EFNA5: variants seen among roughly 807,000 people sequenced by gnomAD.
The protein encoded by EFNA5 is ephrin-A5.
EFNA5 carries 5 observed loss-of-function variants against 22.9 expected under a neutral mutation model. That is an observed-to-expected ratio of 0.22 (90% CI 0.11 to 0.46). EFNA5 has a LOEUF of 0.46. Ranked by LOEUF, EFNA5 falls within the 20% of genes least tolerant of loss-of-function variation. The pLI is 0.99. For synonymous variants in EFNA5, 113 were observed against 112.2 expected, an observed-to-expected ratio of 1.01 and a Z score of -0.04; for missense variants, 237 against 293.3, an observed-to-expected ratio of 0.81 and a Z score of 1.40.
chr5:107,669,203 A>C (rs750091218), intron 1 of EFNA5, among the ~76,000 whole-genome samples: 1 of 150,922 alleles, frequency 6.6e-6, no homozygotes, highest in Non-Finnish European at 1.5e-5. Context: ...CAGGAGATAG[A>C]AAAAACTGGA....
At chr5:107,527,162 T>A (rs1747711660) in intron 1 of EFNA5, among the ~76,000 whole-genome samples, 1 of 152,244 alleles carries the variant, frequency 6.6e-6, no homozygotes. Flanking sequence ...AAACATCCCA[T>A]GTTCTTGTTT....
Position 107,609,812 on chromosome 5 carries a change from C to T in EFNA5, c.125+60677G>A, listed in dbSNP as rs545238763. Reference sequence around the variant, plus strand: ...CAGCCACCGTGCCCCTGCCCGCCGCCGACTAGAATAAGATGACTGAATGGT... The same window carrying T: ...CAGCCACCGTGCCCCTGCCCGCCGCTGACTAGAATAAGATGACTGAATGGT... On this transcript the variant is annotated intron_variant, in intron 1 of 4. Transcript: ENST00000333274. Among the ~76,000 whole-genome samples, 59 of 152,178 alleles carry T rather than the reference C, an allele frequency of 3.9e-4. No homozygotes were observed. The East Asian group carries it at 0.011, about 28-fold the overall frequency.
chr5:107,661,944 C>T (rs1750972011), intron 1 of EFNA5, among the ~76,000 whole-genome samples: 1 of 152,006 alleles, frequency 6.6e-6, no homozygotes, highest in Non-Finnish European at 1.5e-5. Context: ...CTTTCATTTA[C>T]TTTTATAATT....
intron 1 of EFNA5, among the ~76,000 whole-genome samples, chr5:107,538,677 T>C (rs1332161890): frequency 6.6e-6 from 1 of 152,202 alleles, no homozygotes; most frequent in Non-Finnish European, 1.5e-5. Context: ...GTGTAAGCCA[T>C]TGGAGATACA....
At chr5:107,621,668 C>A (rs1168906719) in intron 1 of EFNA5, among the ~76,000 whole-genome samples, 2 of 152,018 alleles carry the variant, frequency 1.3e-5, no homozygotes, top group Admixed American at 6.6e-5. Flanking sequence ...AGGACTAATA[C>A]CTAATTCACA....
intron 1 of EFNA5, among the ~76,000 whole-genome samples, chr5:107,598,193 T>A (rs60259356): frequency 0.012 from 1,853 of 152,158 alleles, 36 homozygotes; most frequent in African/African-American, 0.043. Context: ...ACTACCCCTC[T>A]CTCAGTAACA....
At chr5:107,549,882 G>A (rs1748248708) in intron 1 of EFNA5, among the ~76,000 whole-genome samples, 1 of 152,226 alleles carries the variant, frequency 6.6e-6, no homozygotes, top group Non-Finnish European at 1.5e-5. Flanking sequence ...GGGGTTGCCT[G>A]ACCCATGCAG....
At chr5:107,549,714 G>T (rs1473972891) in intron 1 of EFNA5, among the ~76,000 whole-genome samples, 1 of 152,234 alleles carries the variant, frequency 6.6e-6, no homozygotes, top group Non-Finnish European at 1.5e-5. Context: ...TCTGATGTAG[G>T]ATGCCTCTGC....
chr5:107,526,046 G>T (rs1295750173), intron 1 of EFNA5, among the ~76,000 whole-genome samples: 2 of 152,100 alleles, frequency 1.3e-5, no homozygotes, highest in East Asian at 3.8e-4. Context: ...GCCCGCAAAG[G>T]TCAATCAAAA....
chr5:107,622,256 G>C (rs1466174204), intron 1 of EFNA5, among the ~76,000 whole-genome samples: 3 of 152,130 alleles, frequency 2.0e-5, no homozygotes, highest in Non-Finnish European at 4.4e-5. Flanking sequence ...TACATCCTAA[G>C]GAATGGCACA....
At chr5:107,400,765 G>C (rs1371362506) in intron 2 of EFNA5, among the ~76,000 whole-genome samples, 2 of 152,322 alleles carry the variant, frequency 1.3e-5, no homozygotes, top group East Asian at 3.9e-4. Flanking sequence ...CCAGAAACTT[G>C]AGATCTTCAC....
At chr5:107,649,918 C>T (rs1185180745) in intron 1 of EFNA5, among the ~76,000 whole-genome samples, 1 of 152,080 alleles carries the variant, frequency 6.6e-6, no homozygotes, top group Non-Finnish European at 1.5e-5. Context: ...TTGTCTAGGA[C>T]CACAGCAAGT....
intron 1 of EFNA5, among the ~76,000 whole-genome samples, chr5:107,619,753 C>G (rs531515696): frequency 6.6e-6 from 1 of 152,068 alleles, no homozygotes; most frequent in East Asian, 1.9e-4. Context: ...TGAGCCACCA[C>G]GCCTAGCCTA....
chr5:107,524,028 C>T (rs1747647610), intron 1 of EFNA5, among the ~76,000 whole-genome samples: 1 of 152,306 alleles, frequency 6.6e-6, no homozygotes, highest in Middle Eastern at 3.4e-3. Flanking sequence ...CTTTTTAATG[C>T]CAGTTGTTTA....
intron 1 of EFNA5, among the ~76,000 whole-genome samples, chr5:107,535,625 C>A (rs1229742801): frequency 2.6e-5 from 4 of 152,038 alleles, no homozygotes; most frequent in South Asian, 4.2e-4. Flanking sequence ...GAATATAGAG[C>A]CCTCTAACTG....
chr5:107,416,331 G>A (rs889562548), intron 2 of EFNA5, among the ~76,000 whole-genome samples: 1 of 152,060 alleles, frequency 6.6e-6, no homozygotes, highest in Non-Finnish European at 1.5e-5. Context: ...TACTTTTAAC[G>A]TCTTTTAAAA....
chr5:107,593,674 C>T (rs1035700621), intron 1 of EFNA5, among the ~76,000 whole-genome samples: 3 of 151,936 alleles, frequency 2.0e-5, no homozygotes, highest in African/African-American at 4.8e-5. Context: ...AAACATGCAG[C>T]CAGCATTGAA....
chr5:107,601,439 A>T (rs377396186), intron 1 of EFNA5, among the ~76,000 whole-genome samples: 4 of 152,184 alleles, frequency 2.6e-5, no homozygotes, highest in South Asian at 2.1e-4. Context: ...CTGTAGAAGT[A>T]AGTGTAACTC....
At chr5:107,393,416 A>G (rs1396749021) in intron 2 of EFNA5, among the ~76,000 whole-genome samples, 1 of 152,202 alleles carries the variant, frequency 6.6e-6, no homozygotes, top group Non-Finnish European at 1.5e-5. Flanking sequence ...CCAACACTGT[A>G]CTCATTAGTC....
Sources: gnomAD v4.1 joint callset for allele counts (sites outside exome capture counted in the v4.1 genomes callset) on GRCh38, gnomAD v4.1.1 for gene constraint, MANE v1.5 for transcripts, NCBI Gene and HGNC (gene_info 2026-07-23, HGNC 2026-07-21) for gene names.